Variants in SLC29A1 observed in about 807,000 individuals in gnomAD.
SLC29A1 encodes the protein equilibrative nucleoside transporter 1.
In SLC29A1, 22 loss-of-function variants were observed where a neutral mutation model predicts 48.3. The ratio of observed to expected loss-of-function variants is 0.46; its 90% CI spans 0.33 to 0.65. SLC29A1 has a LOEUF of 0.65. Ranked by LOEUF, SLC29A1 falls within the 30% of genes least tolerant of loss-of-function variation. The pLI is 0.03. For missense variants in SLC29A1, 491 were observed against 575.3 expected (o/e 0.85, Z 1.50); for synonymous variants, 228 against 231.0 (o/e 0.99, Z 0.12).
chr6:44,228,313 C>T (rs1365468200), intron 2 of SLC29A1, among the ~76,000 whole-genome samples: 1 of 152,240 alleles, frequency 6.6e-6, no homozygotes, highest in Non-Finnish European at 1.5e-5. Context: ...CTCCCCCCAA[C>T]CCCGATCCTC....
chr6:44,231,951 C>T, intron 9 of SLC29A1, 47 bp from the exon 10 acceptor site: 1 of 1,375,362 alleles, frequency 7.3e-7, no homozygotes, highest in Non-Finnish European at 1.0e-6. Flanking sequence ...AATGCACAGC[C>T]ACCATGAAGA....
intron 1 of SLC29A1, chr6:44,225,799 G>A (rs1027637266): frequency 6.6e-6 from 1 of 152,210 alleles, no homozygotes; most frequent in South Asian, 2.1e-4. Context: ...AGGGAGGTGG[G>A]AGAGCCCGTG....
chr6:44,233,665 C>G lies in SLC29A1; in HGVS notation c.*137C>G. 1 of 691,548 alleles carries G rather than the reference C, an allele frequency of 1.4e-6. No homozygotes were observed. The highest frequency in any genetic ancestry group is 1.7e-5 in the South Asian group (1 of 57,446). 42.8% of individuals were successfully genotyped at this position (691,548 alleles called of 1,614,324 possible). A position where few individuals can be genotyped will look rare whatever the true frequency, so the allele number is the denominator to read the frequency against. On this transcript the variant is annotated 3_prime_UTR_variant, in exon 13 of 13. Transcript: ENST00000371755. ...TGCTTTCCACGGCGTGTGCTGGGCC[C>G]GGATCTCCAGGCCCTGGGGAGGGAG...
At position 44,230,685 on chromosome 6, in the gene SLC29A1, TGGGGTTTGGGGTATA is replaced by T; in HGVS notation, c.687+26_687+40del. 1 of 540,750 alleles carries T rather than the reference TGGGGTTTGGGGTATA, an allele frequency of 1.8e-6. No individual in the cohort carries two copies. The highest frequency in any genetic ancestry group is 3.1e-6 in the Non-Finnish European group (1 of 322,378). 33.5% of individuals were successfully genotyped at this position (540,750 alleles called of 1,614,324 possible). A position where few individuals can be genotyped will look rare whatever the true frequency, so the allele number is the denominator to read the frequency against. On this transcript the variant is annotated intron_variant, in intron 7 of 12. Coordinates refer to ENST00000371755, the MANE Select transcript of SLC29A1 (RefSeq NM_001372327.1). Reference sequence around the variant, plus strand: ...CGCCTGGTGAGTAAATGGAGGGAGCTGGGGTTTGGGGTATAGGGGTCTGGGGTTCCAGACCACGGG... The same window carrying T: ...CGCCTGGTGAGTAAATGGAGGGAGCTGGGGTCTGGGGTTCCAGACCACGGG...
rs747703104 is a variant in SLC29A1, at chr6:44,232,799, G to A, written c.1060-8G>A. The A allele has an allele frequency of 5.6e-6, 9 of 1,608,552 alleles. No homozygotes were observed. The highest frequency in any genetic ancestry group is 1.1e-5 in the South Asian group (1 of 91,010). ...GGCCTGGGCTGAGGCCCTGCCTGGT[G>A]CCCACAGCCTGGGAAGGACAGCCGC... On this transcript the variant is annotated splice_region_variant and splice_polypyrimidine_tract_variant and intron_variant, in intron 11 of 12. Coordinates refer to ENST00000371755, the MANE Select transcript of SLC29A1 (RefSeq NM_001372327.1). The surrounding 1 kb of genome is among the most constrained non-coding windows in gnomAD (Gnocchi z 4.7).
At position 44,229,358 on chromosome 6, in the gene SLC29A1, T is replaced by C; in HGVS notation, c.30-32T>C. ...TTGTGGAGTGGGGCAGGATGGTGCGTCATTTGGCCCATCTTTCCTCCTCCA... is the reference window on the plus strand; with the variant it reads ...TTGTGGAGTGGGGCAGGATGGTGCGCCATTTGGCCCATCTTTCCTCCTCCA... On this transcript the variant is annotated intron_variant, in intron 2 of 12. Coordinates refer to ENST00000371755, the MANE Select transcript of SLC29A1 (RefSeq NM_001372327.1). This position sits in a 1 kb window ranked among gnomAD's most constrained non-coding sequence, Gnocchi z 5.1. The C allele has an allele frequency of 6.4e-7, 1 of 1,553,472 alleles. No homozygotes were observed. The highest frequency in any genetic ancestry group is 8.9e-7 in the Non-Finnish European group (1 of 1,124,636).
At position 44,230,413 on chromosome 6, in the gene SLC29A1, C is replaced by T; in HGVS notation, c.521C>T (p.Ala174Val). ...GGCCTTCTGCCTGCCAGCTACACGG[C>T]CCCCATCATGAGTGGCCAGGGCCTA... is the stretch of plus-strand genomic sequence containing the variant. ...LAGLLPASYT[A>V]PIMSGQGLAG... is the part of the protein sequence containing the mutation. The change falls in exon 6 of 13, where the codon GCC (alanine) becomes GTC (valine). Residue 174 changes from alanine (A) to valine (V), a missense_variant. Transcript: ENST00000371755. 1 of 1,614,068 alleles carries T rather than the reference C, an allele frequency of 6.2e-7. No homozygotes were observed. The highest frequency in any genetic ancestry group is 8.5e-7 in the Non-Finnish European group (1 of 1,179,982).
intron 2 of SLC29A1, 49 bp downstream of exon 2, chr6:44,227,391 G>C: frequency 6.6e-7 from 1 of 1,524,704 alleles, no homozygotes; most frequent in Non-Finnish European, 9.1e-7. Flanking sequence ...GGTTTTCAGG[G>C]AGCTGGGTGT....
chr6:44,232,788 C>T lies in SLC29A1; in HGVS notation c.1060-19C>T. The T allele has an allele frequency of 6.2e-7, 1 of 1,605,254 alleles. No homozygotes were observed. Among genetic ancestry groups the T allele is most frequent in the Non-Finnish European group, 8.5e-7 (1 of 1,178,966 alleles). The stretch of plus-strand genomic sequence containing the variant: ...CCTGGGGTGGCGGCCTGGGCTGAGG[C>T]CCTGCCTGGTGCCCACAGCCTGGGA... On this transcript the variant is annotated intron_variant, in intron 11 of 12. Coordinates refer to ENST00000371755, the MANE Select transcript of SLC29A1 (RefSeq NM_001372327.1). The surrounding 1 kb of genome is among the most constrained non-coding windows in gnomAD (Gnocchi z 4.7).
chr6:44,229,920 G>A lies in SLC29A1; in HGVS notation c.328G>A (p.Val110Ile), dbSNP rs148803508. The A allele has an allele frequency of 1.9e-5, 30 of 1,613,138 alleles. No individual in the cohort carries two copies. The highest frequency in any genetic ancestry group is 2.2e-5 in the East Asian group (1 of 44,886). ...SFLHQRIPQSVRILGSLVAIL... is the reference protein window; with the variant it reads ...SFLHQRIPQSIRILGSLVAIL... The stretch of plus-strand genomic sequence containing the variant: ...CTCTCCCGGCAGGATCCCCCAGTCC[G>A]TACGGATCCTGGGCAGCCTGGTGGC... The change falls in exon 5 of 13, where the codon GTA becomes ATA. Residue 110 changes from valine (V) to isoleucine (I), a missense_variant. Physicochemically the swap from Val to Ile is conservative, Grantham distance 29. Transcript: ENST00000371755. The surrounding 1 kb of genome is among the most constrained non-coding windows in gnomAD (Gnocchi z 5.1).
upstream of SLC29A1, among the ~76,000 whole-genome samples, chr6:44,220,292 C>G (rs1293654206): frequency 6.6e-6 from 1 of 151,954 alleles, no homozygotes; most frequent in Non-Finnish European, 1.5e-5. Context: ...ATCCTCCCAC[C>G]TCAGCCTCCC....
chr6:44,229,720 C>T lies in SLC29A1; in HGVS notation c.243C>T (p.Asn81=). The T allele has an allele frequency of 6.2e-7, 1 of 1,614,030 alleles. No homozygotes were observed. The highest frequency in any genetic ancestry group is 8.5e-7 in the Non-Finnish European group (1 of 1,180,044). The part of the protein sequence containing the change: ...PERNSLSAIF[N]NVMTLCAMLP... Reference sequence around the variant, plus strand: ...GGAACTCTCTCAGTGCCATCTTCAACAATGTCATGACCCTATGTGCCATGC... The same window carrying T: ...GGAACTCTCTCAGTGCCATCTTCAATAATGTCATGACCCTATGTGCCATGC... Residue 81 remains asparagine (N), a synonymous_variant, in exon 4 of 13, where the codon AAC becomes AAT. Coordinates refer to ENST00000371755, the MANE Select transcript of SLC29A1 (RefSeq NM_001372327.1). The surrounding 1 kb of genome is among the most constrained non-coding windows in gnomAD (Gnocchi z 5.1).
chr6:44,219,662 C>T (rs530318681), upstream of SLC29A1: 27 of 1,264,310 alleles, frequency 2.1e-5, no homozygotes, highest in African/African-American at 3.4e-4. Flanking sequence ...GCGCGGGCTG[C>T]GCTCTCCAGC....
chr6:44,219,915 C>T, upstream of SLC29A1: 4 of 526,666 alleles, frequency 7.6e-6, no homozygotes, highest in South Asian at 8.0e-5. Flanking sequence ...TCAGGGGAGT[C>T]AGAATCTTTG....
rs1469673910 is a variant in SLC29A1 at position 44,232,901 on chromosome 6, A to G, written c.1154A>G (p.Tyr385Cys). ...LLLCNIKPRR[Y>C]LTVVFEHDAW... ...CTGTGCAACATTAAGCCCCGCCGCT[A>G]CCTGACTGTGGTCTTCGAGCACGAT... Residue 385 changes from tyrosine (Y) to cysteine (C), a missense_variant, in exon 12 of 13, where the codon TAC (tyrosine) becomes TGC (cysteine). Physicochemically the swap from Tyr to Cys is radical, Grantham distance 194. Transcript: ENST00000371755. The surrounding 1 kb of genome is among the most constrained non-coding windows in gnomAD (Gnocchi z 4.7). 1 of 1,614,182 alleles carries G rather than the reference A, an allele frequency of 6.2e-7. No homozygotes were observed. The highest frequency in any genetic ancestry group is 8.5e-7 in the Non-Finnish European group (1 of 1,180,040).
At chr6:44,225,806 C>A (rs1450016465) in intron 1 of SLC29A1, 1 of 152,136 alleles carries the variant, frequency 6.6e-6, no homozygotes, top group East Asian at 1.9e-4. Flanking sequence ...TGGGAGAGCC[C>A]GTGGAAGGTC....
At chr6:44,228,626 G>A (rs1243468940) in intron 2 of SLC29A1, among the ~76,000 whole-genome samples, 6 of 152,350 alleles carry the variant, frequency 3.9e-5, no homozygotes, top group East Asian at 1.9e-4. Context: ...TACATGGGCC[G>A]GGCTGGGGTT....
In SLC29A1 at chr6:44,228,259, G is replaced by A. The variant is rs149648153; in HGVS notation, c.29+917G>A. Among the ~76,000 whole-genome samples, 667 of 152,230 alleles carry A rather than the reference G, an allele frequency of 4.4e-3. 4 individuals are homozygous for A. The highest frequency in any genetic ancestry group is 0.015 in the African/African-American group (627 of 41,518). ...TGGGCAGTTCCCTGAAGGCCTCGCC[G>A]GCTCCATTTGCCTTATTGCACAGCT... On this transcript the variant is annotated intron_variant, in intron 2 of 12. Transcript: ENST00000371755.
At chr6:44,228,274 A>AT (rs994465255) in intron 2 of SLC29A1, among the ~76,000 whole-genome samples, 5 of 152,042 alleles carry the variant, frequency 3.3e-5, no homozygotes, top group Admixed American at 3.3e-4. Context: ...CATTTGCCTT[A>AT]TTGCACAGCT....
Sources: gnomAD v4.1 joint callset for allele counts (sites outside exome capture counted in the v4.1 genomes callset) on GRCh38, gnomAD v4.1.1 for gene constraint, Gnocchi (gnomAD v3.1) non-coding constraint, MANE v1.5 for transcripts, NCBI Gene and HGNC (gene_info 2026-07-23, HGNC 2026-07-21) for gene names.